The following CNTN5 variants were observed in gnomAD, a reference collection of about 807,000 sequenced individuals.
CNTN5 encodes the protein contactin 5, also known as contactin-5.
CNTN5 carries 77 observed loss-of-function variants against 129.1 expected under a neutral mutation model. That is an observed-to-expected ratio of 0.60 (90% CI 0.50 to 0.72). CNTN5 has a LOEUF of 0.72. Ranked by LOEUF, CNTN5 falls within the 30% of genes least tolerant of loss-of-function variation. The probability of loss-of-function intolerance (pLI) is 0.00; values close to 1 mark genes in which losing one functional copy is unlikely to be tolerated. For missense variants in CNTN5, 1,478 were observed against 1,328.8 expected (o/e 1.11, Z -1.75); for synonymous variants, 509 against 465.6 (o/e 1.09, Z -1.20).
chr11:99,897,343 G>A (rs1949233615), intron 6 of CNTN5, among the ~76,000 whole-genome samples: 1 of 152,082 alleles, frequency 6.6e-6, no homozygotes, highest in Non-Finnish European at 1.5e-5. Flanking sequence ...GAGGCATTTG[G>A]TTACTAGACT....
At chr11:99,053,654 T>G (rs1188448252) in intron 1 of CNTN5, among the ~76,000 whole-genome samples, 1 of 151,898 alleles carries the variant, frequency 6.6e-6, no homozygotes, top group Admixed American at 6.6e-5. Flanking sequence ...GTAATTGAAC[T>G]TTGGGAGTTT....
At chr11:99,559,907 T>C (rs1299070343) in intron 3 of CNTN5, among the ~76,000 whole-genome samples, 1 of 152,148 alleles carries the variant, frequency 6.6e-6, no homozygotes, top group Non-Finnish European at 1.5e-5. Context: ...AACATATTAA[T>C]GGATTCTATA....
At chr11:99,567,642 G>C (rs1486381845) in intron 3 of CNTN5, among the ~76,000 whole-genome samples, 1 of 152,108 alleles carries the variant, frequency 6.6e-6, no homozygotes. Context: ...TATAAATTCT[G>C]ACTTCCCTGC....
intron 17 of CNTN5, among the ~76,000 whole-genome samples, chr11:100,268,882 T>G (rs188340549): frequency 7.2e-4 from 110 of 152,306 alleles, no homozygotes; most frequent in African/African-American, 1.9e-3. Flanking sequence ...TCATTCCCCG[T>G]ATAAGAATAC....
intron 2 of CNTN5, among the ~76,000 whole-genome samples, chr11:99,530,954 C>A (rs1004621639): frequency 6.6e-6 from 1 of 152,152 alleles, no homozygotes; most frequent in Non-Finnish European, 1.5e-5. Flanking sequence ...TAAATTGATA[C>A]CAGTAGAGTC....
chr11:100,316,212 A>AT (rs1026409013), intron 21 of CNTN5, among the ~76,000 whole-genome samples: 1 of 152,148 alleles, frequency 6.6e-6, no homozygotes, highest in Non-Finnish European at 1.5e-5. Context: ...CATTTCTGTG[A>AT]TTTTCCCAGA....
chr11:100,174,732 A>G (rs1369363151), intron 13 of CNTN5, among the ~76,000 whole-genome samples: 1 of 152,096 alleles, frequency 6.6e-6, no homozygotes, highest in African/African-American at 2.4e-5. Flanking sequence ...TTATTCTTCC[A>G]TTAGAGCCTG....
intron 1 of CNTN5, among the ~76,000 whole-genome samples, chr11:99,080,540 C>T (rs1289968713): frequency 6.6e-6 from 1 of 152,166 alleles, no homozygotes; most frequent in African/African-American, 2.4e-5. Context: ...AGAGAAGGGG[C>T]AGATTCCCAA....
At chr11:99,457,886 G>A (rs1029783067) in intron 2 of CNTN5, among the ~76,000 whole-genome samples, 3 of 151,240 alleles carry the variant, frequency 2.0e-5, no homozygotes, top group Non-Finnish European at 3.0e-5. Flanking sequence ...TTCACTTCCC[G>A]CTGCAGGATT....
chr11:99,052,023 T>C (rs1565278195), intron 1 of CNTN5, among the ~76,000 whole-genome samples: 1 of 151,756 alleles, frequency 6.6e-6, no homozygotes, highest in Admixed American at 6.6e-5. Context: ...GAAAATACAA[T>C]AAACAAAGGC....
intron 9 of CNTN5, among the ~76,000 whole-genome samples, chr11:100,038,503 G>C (rs1486813612): frequency 6.6e-6 from 1 of 152,194 alleles, no homozygotes; most frequent in African/African-American, 2.4e-5. Flanking sequence ...GCAGAGCTGA[G>C]TTCAATTGCT....
chr11:100,242,619 C>A (rs1949765137), intron 16 of CNTN5, among the ~76,000 whole-genome samples: 2 of 152,062 alleles, frequency 1.3e-5, no homozygotes, highest in Admixed American at 1.3e-4. Context: ...TGTAAACAAC[C>A]AGATCTCAGG....
chr11:99,918,513 G>A (rs1448931942), intron 7 of CNTN5, among the ~76,000 whole-genome samples: 12 of 151,974 alleles, frequency 7.9e-5, no homozygotes, highest in Admixed American at 7.9e-4. Flanking sequence ...CTCACTCTCA[G>A]GTGATAAACA....
chr11:99,692,925 G>A (rs1954101698), intron 3 of CNTN5, among the ~76,000 whole-genome samples: 1 of 152,076 alleles, frequency 6.6e-6, no homozygotes, highest in Non-Finnish European at 1.5e-5. Flanking sequence ...CTGGGAGAAA[G>A]GGTTACAGCC....
chr11:99,370,386 A>C (rs2136130622), intron 2 of CNTN5, among the ~76,000 whole-genome samples: 1 of 152,320 alleles, frequency 6.6e-6, no homozygotes, highest in East Asian at 1.9e-4. Flanking sequence ...GTCACATTTC[A>C]ATTGACTAAA....
intron 2 of CNTN5, among the ~76,000 whole-genome samples, chr11:99,528,444 T>A (rs1947571048): frequency 2.0e-5 from 3 of 152,206 alleles, no homozygotes; most frequent in Admixed American, 2.0e-4. Flanking sequence ...AGCACCAAGC[T>A]TTATAACTGG....
At chr11:100,354,390 C>T (rs1468342558) in intron 24 of CNTN5, among the ~76,000 whole-genome samples, 1 of 151,450 alleles carries the variant, frequency 6.6e-6, no homozygotes, top group Non-Finnish European at 1.5e-5. Context: ...AATCCAACAG[C>T]GATTCTAATA....
chr11:99,212,457 G>T (rs1266877267), intron 1 of CNTN5, among the ~76,000 whole-genome samples: 1 of 151,992 alleles, frequency 6.6e-6, no homozygotes, highest in South Asian at 2.1e-4. Flanking sequence ...TTCCTTGCAC[G>T]TCGAAGGTGC....
intron 1 of CNTN5, among the ~76,000 whole-genome samples, chr11:99,277,737 A>G (rs886471554): frequency 6.6e-6 from 1 of 151,750 alleles, no homozygotes; most frequent in African/African-American, 2.4e-5. Context: ...TGTATTTTAA[A>G]TATAGGTTCC....
Sources: allele counts gnomAD v4.1 joint callset (sites outside exome capture counted in the v4.1 genomes callset), GRCh38; gene constraint gnomAD v4.1.1; transcripts MANE v1.5; gene names NCBI Gene and HGNC (gene_info 2026-07-23, HGNC 2026-07-21).